Variants in SIPA1L3 observed in about 807,000 individuals in gnomAD.
SIPA1L3 encodes signal induced proliferation associated 1 like 3, also known as signal-induced proliferation-associated 1-like protein 3.
Under a neutral mutation model 150.1 loss-of-function variants are expected in SIPA1L3, and 59 were observed. That is an observed-to-expected ratio of 0.39 (90% CI 0.32 to 0.49). SIPA1L3 has a LOEUF of 0.49. SIPA1L3 is among the 20% of genes least tolerant of loss of function. The probability of loss-of-function intolerance (pLI) is 0.86; values close to 1 mark genes in which losing one functional copy is unlikely to be tolerated. For synonymous variants in SIPA1L3, 1,070 were observed against 1,077.6 expected, an observed-to-expected ratio of 0.99 and a Z score of 0.14; for missense variants, 2,211 against 2,489.5, an observed-to-expected ratio of 0.89 and a Z score of 2.38.
At chr19:37,994,165 G>A (rs1967578446) in intron 1 of SIPA1L3, among the ~76,000 whole-genome samples, 1 of 152,184 alleles carries the variant, frequency 6.6e-6, no homozygotes, top group Non-Finnish European at 1.5e-5. Flanking sequence ...GCCTCCCAAA[G>A]TGCTGGGATT....
chr19:37,955,208 A>G (rs1020184856), intron 1 of SIPA1L3, among the ~76,000 whole-genome samples: 7 of 151,876 alleles, frequency 4.6e-5, no homozygotes, highest in African/African-American at 1.5e-4. Context: ...CCTGACCAAC[A>G]TGGAGAAACC....
Position 38,010,795 on chromosome 19 carries a change from G to A in SIPA1L3, c.-378-18294G>A, listed in dbSNP as rs113825883. ...AGCCTCACCTCTACTGTTACCCACT[G>A]TGTGACCTTGAGTAAGTGACTCTGA... On this transcript the variant is annotated intron_variant, in intron 1 of 21. Coordinates refer to ENST00000222345, the MANE Select transcript of SIPA1L3 (RefSeq NM_015073.3). Among the ~76,000 whole-genome samples the A allele has an allele frequency of 9.3e-3, 1,423 of 152,280 alleles. 31 individuals carry two copies. Among genetic ancestry groups the A allele is most frequent in the African/African-American group, 0.033 (1,351 of 41,548 alleles).
At chr19:38,016,599 TCTC>T (rs1243149847) in intron 1 of SIPA1L3, among the ~76,000 whole-genome samples, 1 of 152,066 alleles carries the variant, frequency 6.6e-6, no homozygotes, top group Non-Finnish European at 1.5e-5. Flanking sequence ...GTCAAGCAAT[TCTC>T]CTGCCTCAGC....
chr19:38,097,176 C>G (rs1970398140), intron 4 of SIPA1L3, among the ~76,000 whole-genome samples: 1 of 152,174 alleles, frequency 6.6e-6, no homozygotes, highest in South Asian at 2.1e-4. Flanking sequence ...TAGTGGGACT[C>G]TGTCTCTACA....
intron 1 of SIPA1L3, among the ~76,000 whole-genome samples, chr19:37,969,666 T>TTCA (rs1277203058): frequency 4.6e-5 from 7 of 152,214 alleles, no homozygotes; most frequent in Non-Finnish European, 8.8e-5. Flanking sequence ...CAGCCAGTCT[T>TTCA]TCATATTCAT....
At position 38,081,409 on chromosome 19, in the gene SIPA1L3, A is replaced by G; in HGVS notation, c.-157A>G. ...CAGCTGTGCACAGCGATGGTGGAGAACTGGACTCCACAGGCTCACAACCTT... is the reference window on the plus strand; with the variant it reads ...CAGCTGTGCACAGCGATGGTGGAGAGCTGGACTCCACAGGCTCACAACCTT... On this transcript the variant is annotated 5_prime_UTR_variant, in exon 3 of 22. Coordinates refer to ENST00000222345, the MANE Select transcript of SIPA1L3 (RefSeq NM_015073.3). 1.5e-6 allele frequency: 1 copy of G among 667,474 alleles called. No individual in the cohort carries two copies. Among genetic ancestry groups the G allele is most frequent in the Non-Finnish European group, 2.5e-6 (1 of 399,616 alleles). The allele number at this position is 667,474 out of a possible 1,614,324, so 41.3% of individuals were successfully genotyped here. A position where few individuals can be genotyped will look rare whatever the true frequency, so the allele number is the denominator to read the frequency against.
At chr19:38,182,076 G>C (rs1000599838) in intron 15 of SIPA1L3, among the ~76,000 whole-genome samples, 3 of 150,394 alleles carry the variant, frequency 2.0e-5, no homozygotes, top group Non-Finnish European at 4.4e-5. Context: ...GGGAGGTCGA[G>C]CCTGCAGTGA....
intron 1 of SIPA1L3, among the ~76,000 whole-genome samples, chr19:37,941,816 G>A (rs1345753040): frequency 2.0e-5 from 3 of 152,182 alleles, no homozygotes; most frequent in African/African-American, 7.2e-5. Context: ...CTTCTGATCT[G>A]AAACTCCATT....
chr19:38,177,921 G>A (rs1404740176), intron 15 of SIPA1L3, among the ~76,000 whole-genome samples: 1 of 152,062 alleles, frequency 6.6e-6, no homozygotes, highest in Non-Finnish European at 1.5e-5. Flanking sequence ...AGCTACTCAG[G>A]AGGCTGAGGC....
At chr19:37,955,158 G>A (rs1452686398) in intron 1 of SIPA1L3, among the ~76,000 whole-genome samples, 1 of 149,954 alleles carries the variant, frequency 6.7e-6, no homozygotes, top group Non-Finnish European at 1.5e-5. Context: ...TTGGCAGGCC[G>A]AGGTGGGTAG....
intron 2 of SIPA1L3, among the ~76,000 whole-genome samples, chr19:38,045,823 G>A (rs1969044001): frequency 6.6e-6 from 1 of 152,144 alleles, no homozygotes; most frequent in South Asian, 2.1e-4. Flanking sequence ...GGAACTGGGT[G>A]TGTTGGAGGA....
At chr19:38,043,019 T>A (rs146120272) in intron 2 of SIPA1L3, among the ~76,000 whole-genome samples, 77 of 152,274 alleles carry the variant, frequency 5.1e-4, no homozygotes, top group Admixed American at 1.2e-3. Context: ...TACATCATAA[T>A]ATGGTTGTGG....
rs113051523 is a variant in SIPA1L3 at position 38,007,093 on chromosome 19, G to A, written c.-378-21996G>A. Reference sequence around the variant, plus strand: ...AGCACTTTGGGAGACCAAGGCAGACGGATCATTTGAGGTCAGGAGTTCAAG... The same window carrying A: ...AGCACTTTGGGAGACCAAGGCAGACAGATCATTTGAGGTCAGGAGTTCAAG... On this transcript the variant is annotated intron_variant, in intron 1 of 21. Transcript: ENST00000222345. Among the ~76,000 whole-genome samples the A allele has an allele frequency of 7.9e-3, 1,201 of 152,298 alleles. 4 individuals carry two copies. Among genetic ancestry groups the A allele is most frequent in the South Asian group, 0.02 (95 of 4,826 alleles).
chr19:38,148,920 T>C (rs1019888376), intron 12 of SIPA1L3, among the ~76,000 whole-genome samples: 2 of 152,220 alleles, frequency 1.3e-5, no homozygotes, highest in Non-Finnish European at 2.9e-5. Context: ...AGCAATTTGA[T>C]CTTCTCTTCT....
chr19:38,137,973 A>G (rs1179479223), intron 10 of SIPA1L3, among the ~76,000 whole-genome samples: 1 of 151,908 alleles, frequency 6.6e-6, no homozygotes, highest in Admixed American at 6.6e-5. Context: ...TCTACTAAAA[A>G]CACAAAAATT....
At chr19:37,944,797 T>C (rs1223223973) in intron 1 of SIPA1L3, among the ~76,000 whole-genome samples, 2 of 151,838 alleles carry the variant, frequency 1.3e-5, no homozygotes, top group Non-Finnish European at 2.9e-5. Context: ...CTAAAAGTAC[T>C]AAATTAGCCG....
At chr19:38,149,294 C>G (rs1202429953) in intron 12 of SIPA1L3, among the ~76,000 whole-genome samples, 1 of 152,090 alleles carries the variant, frequency 6.6e-6, no homozygotes. Flanking sequence ...CCTTGGGAGG[C>G]TGAGGAAAGA....
intron 2 of SIPA1L3, among the ~76,000 whole-genome samples, chr19:38,079,613 G>C (rs1969932031): frequency 6.6e-6 from 1 of 151,032 alleles, no homozygotes; most frequent in Non-Finnish European, 1.5e-5. Context: ...CTGGAGTGCA[G>C]TGGTGTGATC....
At chr19:38,122,243 T>TTA in intron 9 of SIPA1L3, among the ~76,000 whole-genome samples, 1 of 152,050 alleles carries the variant, frequency 6.6e-6, no homozygotes, top group South Asian at 2.1e-4. Context: ...AAAAGCAAAC[T>TTA]CCTGTGTTCC....
Sources: allele counts gnomAD v4.1 joint callset (sites outside exome capture counted in the v4.1 genomes callset), GRCh38; gene constraint gnomAD v4.1.1; transcripts MANE v1.5; gene names NCBI Gene and HGNC (gene_info 2026-07-23, HGNC 2026-07-21).